The following EYS variants were observed in gnomAD, a reference collection of about 807,000 sequenced individuals.
The protein encoded by EYS is protein eyes shut homolog.
Under a neutral mutation model 282.1 loss-of-function variants are expected in EYS, and 250 were observed. The observed-to-expected ratio is 0.89, with a 90% CI of 0.80 to 0.98. EYS has a LOEUF of 0.98. EYS is among the 50% of genes least tolerant of loss of function. EYS has a pLI of 0.00. For synonymous variants in EYS, 1,355 were observed against 1,282.9 expected (o/e 1.06, Z -1.20); for missense variants, 4,016 against 3,709.0 (o/e 1.08, Z -2.15).
At chr6:65,662,392 T>C (rs1397174576) in intron 1 of EYS, among the ~76,000 whole-genome samples, 1 of 152,146 alleles carries the variant, frequency 6.6e-6, no homozygotes, top group Admixed American at 6.5e-5. Flanking sequence ...TTGATATATA[T>C]TTTTTCACTC....
chr6:65,663,940 C>T (rs865899055), intron 1 of EYS, among the ~76,000 whole-genome samples: 2 of 141,396 alleles, frequency 1.4e-5, no homozygotes, highest in Non-Finnish European at 3.0e-5. Flanking sequence ...GGCGCAATCT[C>T]GGATCACTGC....
intron 30 of EYS, among the ~76,000 whole-genome samples, chr6:64,301,422 G>T (rs1421641915): frequency 1.3e-5 from 2 of 152,124 alleles, no homozygotes; most frequent in East Asian, 3.9e-4. Context: ...CAATTCAATT[G>T]TTTATTTTTC....
intron 12 of EYS, among the ~76,000 whole-genome samples, chr6:65,058,932 A>G (rs1192896536): frequency 6.6e-6 from 1 of 152,138 alleles, no homozygotes; most frequent in Non-Finnish European, 1.5e-5. Context: ...TTTTAAAAAA[A>G]TTCTGTAAAA....
chr6:65,115,966 A>T (rs562049126), intron 12 of EYS, among the ~76,000 whole-genome samples: 3 of 144,962 alleles, frequency 2.1e-5, no homozygotes, highest in East Asian at 4.1e-4. Flanking sequence ...CTGTCTATCT[A>T]ATCTATCTAT....
intron 41 of EYS, among the ~76,000 whole-genome samples, chr6:63,750,978 T>C (rs2149648323): frequency 6.6e-6 from 1 of 152,346 alleles, no homozygotes; most frequent in African/African-American, 2.4e-5. Context: ...CAATATGCTT[T>C]GTGAATTTCA....
chr6:64,849,700 T>C (rs1344663006), intron 19 of EYS, among the ~76,000 whole-genome samples: 1 of 152,008 alleles, frequency 6.6e-6, no homozygotes, highest in Non-Finnish European at 1.5e-5. Flanking sequence ...ATCCAGTTCC[T>C]TACAGGTAGA....
At chr6:65,181,413 T>A (rs1250318216) in intron 12 of EYS, among the ~76,000 whole-genome samples, 1 of 152,148 alleles carries the variant, frequency 6.6e-6, no homozygotes, top group Non-Finnish European at 1.5e-5. Context: ...GAACAGACAC[T>A]TTTCAAAAGA....
intron 29 of EYS, among the ~76,000 whole-genome samples, chr6:64,364,199 G>A (rs1387374100): frequency 6.6e-6 from 1 of 151,740 alleles, no homozygotes; most frequent in African/African-American, 2.4e-5. Flanking sequence ...TCTCCATAAA[G>A]ACCAAGAAAC....
chr6:65,489,193 C>CT (rs1765928841), intron 5 of EYS, among the ~76,000 whole-genome samples: 1 of 152,120 alleles, frequency 6.6e-6, no homozygotes, highest in Non-Finnish European at 1.5e-5. Flanking sequence ...AACAGGCAAC[C>CT]TACAGAATGG....
At chr6:63,737,536 G>C (rs1013406076) in intron 41 of EYS, among the ~76,000 whole-genome samples, 1 of 152,112 alleles carries the variant, frequency 6.6e-6, no homozygotes, top group Non-Finnish European at 1.5e-5. Flanking sequence ...CAAGGATATT[G>C]GTCTAAAATT....
intron 14 of EYS, among the ~76,000 whole-genome samples, chr6:64,994,093 C>A (rs1771167542): frequency 6.6e-6 from 1 of 151,464 alleles, no homozygotes; most frequent in Non-Finnish European, 1.5e-5. Context: ...TTTAAATAAC[C>A]ACAAGAAATA....
intron 29 of EYS, among the ~76,000 whole-genome samples, chr6:64,311,973 C>A (rs1769725856): frequency 9.9e-6 from 1 of 100,930 alleles, no homozygotes; most frequent in Non-Finnish European, 1.9e-5. Context: ...GAGCTAGCTG[C>A]AGAAGGTTTT....
chr6:65,209,136 G>C (rs548999774), intron 12 of EYS, among the ~76,000 whole-genome samples: 1 of 151,892 alleles, frequency 6.6e-6, no homozygotes, highest in South Asian at 2.1e-4. Context: ...TTTAAGGTAA[G>C]ATTGTCTTTT....
At chr6:64,016,777 C>A (rs927790643) in intron 33 of EYS, among the ~76,000 whole-genome samples, 3 of 152,092 alleles carry the variant, frequency 2.0e-5, no homozygotes, top group Admixed American at 6.5e-5. Flanking sequence ...TGCTTGGCCT[C>A]TTTTTGATTT....
intron 12 of EYS, among the ~76,000 whole-genome samples, chr6:65,062,963 C>A (rs1193885868): frequency 6.6e-6 from 1 of 151,930 alleles, no homozygotes; most frequent in Non-Finnish European, 1.5e-5. Flanking sequence ...ATAGCAAGTA[C>A]CTTCTTTTCC....
chr6:63,767,201 TA>T (rs1769811014), intron 40 of EYS, among the ~76,000 whole-genome samples: 1 of 151,964 alleles, frequency 6.6e-6, no homozygotes, highest in Admixed American at 6.6e-5. Context: ...TCACCACTCC[TA>T]TTCAACACAG....
At chr6:65,285,347 C>A (rs1768331849) in intron 12 of EYS, among the ~76,000 whole-genome samples, 1 of 151,894 alleles carries the variant, frequency 6.6e-6, no homozygotes, top group African/African-American at 2.4e-5. Flanking sequence ...GAGAGCAGGG[C>A]AGTATCACCT....
chr6:63,800,163 T>C (rs919781787), intron 37 of EYS, among the ~76,000 whole-genome samples: 2 of 152,218 alleles, frequency 1.3e-5, no homozygotes, highest in African/African-American at 4.8e-5. Context: ...ACGTTTTCTA[T>C]CACTTACGTA....
In EYS at chr6:65,495,886, C is replaced by T. The variant is rs1352206283; in HGVS notation, c.-225G>A. 5.9e-6 allele frequency: 1 copy of T among 168,126 alleles called. No homozygotes were observed. Among genetic ancestry groups the T allele is most frequent in the Non-Finnish European group, 1.3e-5 (1 of 77,242 alleles). 10.4% of individuals were successfully genotyped at this position (168,126 alleles called of 1,614,324 possible). A position where few individuals can be genotyped will look rare whatever the true frequency, so the allele number is the denominator to read the frequency against. ...CGGTCTTTTGTGTTTTCTCTTTACACCAAGCTTCAATCTAATCAAAACACA... is the reference window on the plus strand; with the variant it reads ...CGGTCTTTTGTGTTTTCTCTTTACATCAAGCTTCAATCTAATCAAAACACA... On this transcript the variant is annotated 5_prime_UTR_variant, in exon 3 of 43. It adds an upstream start codon to the 5' untranslated region. Transcript: ENST00000503581.
Sources: allele counts gnomAD v4.1 joint callset (sites outside exome capture counted in the v4.1 genomes callset), GRCh38; gene constraint gnomAD v4.1.1; transcripts MANE v1.5; gene names NCBI Gene and HGNC (gene_info 2026-07-23, HGNC 2026-07-21).